P2RX3: variants seen among roughly 807,000 people sequenced by gnomAD.
P2RX3 encodes the protein purinergic receptor P2X 3.
P2RX3 carries 41 observed loss-of-function variants against 51.5 expected under a neutral mutation model. The observed-to-expected ratio is 0.80, with a 90% CI of 0.62 to 1.03. P2RX3 has a LOEUF of 1.03. P2RX3 is among the 50% of genes least tolerant of loss of function. The pLI, the probability that P2RX3 is intolerant of heterozygous loss-of-function variation, is 0.00. For synonymous variants in P2RX3, 185 were observed against 191.6 expected, an observed-to-expected ratio of 0.97 and a Z score of 0.29; for missense variants, 459 against 522.1, an observed-to-expected ratio of 0.88 and a Z score of 1.18.
intron 7 of P2RX3, chr11:57,350,551 G>A: frequency 3.5e-6 from 2 of 577,092 alleles, no homozygotes; most frequent in Non-Finnish European, 5.9e-6. Flanking sequence ...CAAAGTGCTG[G>A]GATTACAGGC....
chr11:57,357,266 G>A (rs192064033), intron 8 of P2RX3, among the ~76,000 whole-genome samples: 1 of 152,316 alleles, frequency 6.6e-6, no homozygotes, highest in East Asian at 1.9e-4. Context: ...GTTGTAGTGA[G>A]CTGAGATCTC....
chr11:57,347,187 G>T lies in P2RX3; in HGVS notation c.327G>T (p.Glu109Asp). The change falls in exon 3 of 12, where the codon GAG (glutamate) becomes GAT (aspartate). Residue 109 changes from glutamate to aspartate, a missense_variant and splice_region_variant. Physicochemically the swap from Glu to Asp is conservative, Grantham distance 45. Coordinates refer to ENST00000263314, the MANE Select transcript of P2RX3 (RefSeq NM_002559.5). ...ATCAGATGCAAGGATTCTGCCCAGAGGTGAGGGGAGGACAGAGGTTGGGTG... is the reference window on the plus strand; with the variant it reads ...ATCAGATGCAAGGATTCTGCCCAGATGTGAGGGGAGGACAGAGGTTGGGTG... ...TENQMQGFCP[E>D]SEEKYRCVSD... is the part of the protein sequence containing the mutation. 1 of 1,613,092 alleles carries T rather than the reference G, an allele frequency of 6.2e-7. No homozygotes were observed. Among genetic ancestry groups the T allele is most frequent in the Non-Finnish European group, 8.5e-7 (1 of 1,179,510 alleles).
At chr11:57,368,687 TTA>T (rs1194176643) in intron 10 of P2RX3, among the ~76,000 whole-genome samples, 5 of 152,202 alleles carry the variant, frequency 3.3e-5, no homozygotes, top group African/African-American at 9.7e-5. Flanking sequence ...ACTCCACCTG[TTA>T]TAGAGTTCCC....
intron 10 of P2RX3, 99 bp downstream of exon 10, chr11:57,368,536 C>A: frequency 2.2e-6 from 3 of 1,352,184 alleles, no homozygotes; most frequent in Non-Finnish European, 2.1e-6. Context: ...TCTGCCTCTG[C>A]CTGGAATGTA....
intron 6 of P2RX3, among the ~76,000 whole-genome samples, 155 bp downstream of exon 6, chr11:57,348,859 G>A (rs542471766): frequency 2.0e-5 from 3 of 152,134 alleles, no homozygotes; most frequent in Non-Finnish European, 4.4e-5. Context: ...ATCTCCCAGC[G>A]GGCCTTGGCC....
At chr11:57,344,370 T>C (rs997885328) in intron 1 of P2RX3, among the ~76,000 whole-genome samples, 6 of 152,214 alleles carry the variant, frequency 3.9e-5, no homozygotes, top group South Asian at 2.1e-4. Context: ...AACACCCACA[T>C]TGTGCCCCAT....
At chr11:57,349,934 C>T in intron 7 of P2RX3, 36 bp downstream of exon 7, 1 of 1,612,372 alleles carries the variant, frequency 6.2e-7, no homozygotes, top group South Asian at 1.1e-5. Flanking sequence ...ACCCCAAACT[C>T]CCCACCTTCA....
In P2RX3 at chr11:57,372,286, C is replaced by CT. The variant is rs1228134491; in HGVS notation, c.*2291dup. The stretch of plus-strand genomic sequence containing the variant: ...TCAACATAAAAGCCAACACTGATTA[C>CT]TTACTATTGGCAGGCAATGGACCAA... On this transcript the variant is annotated 3_prime_UTR_variant, in exon 12 of 12. Transcript: ENST00000263314. Among the ~76,000 whole-genome samples, 2 of 152,186 alleles carry CT rather than the reference C, an allele frequency of 1.3e-5. No homozygotes were observed. Among genetic ancestry groups the CT allele is most frequent in the Non-Finnish European group, 2.9e-5 (2 of 68,038 alleles).
At chr11:57,365,028 C>T (rs1341313328) in intron 8 of P2RX3, among the ~76,000 whole-genome samples, 2 of 152,166 alleles carry the variant, frequency 1.3e-5, no homozygotes, top group African/African-American at 4.8e-5. Flanking sequence ...CAGCCTTACT[C>T]GAGCAACAGG....
chr11:57,358,632 A>G (rs1856666881), intron 8 of P2RX3, among the ~76,000 whole-genome samples: 1 of 152,076 alleles, frequency 6.6e-6, no homozygotes, highest in South Asian at 2.1e-4. Flanking sequence ...CTGGTTAAAG[A>G]TGATGATCTT....
At chr11:57,350,527 CCG>C in intron 7 of P2RX3, 1 of 466,692 alleles carries the variant, frequency 2.1e-6, no homozygotes, top group Non-Finnish European at 3.8e-6. Context: ...CGTGATCCGC[CCG>C]CCTCGGCCTC....
At chr11:57,367,162 G>A (rs909722080) in intron 8 of P2RX3, among the ~76,000 whole-genome samples, 1 of 152,208 alleles carries the variant, frequency 6.6e-6, no homozygotes, top group Non-Finnish European at 1.5e-5. Flanking sequence ...GACGTGTGTG[G>A]TTTCACTCAA....
intron 1 of P2RX3, among the ~76,000 whole-genome samples, chr11:57,343,274 G>A (rs536074524): frequency 1.4e-4 from 21 of 152,356 alleles, no homozygotes; most frequent in Non-Finnish European, 2.2e-4. Flanking sequence ...GGAGGTAGGA[G>A]ATTGGTTGAT....
At chr11:57,361,835 G>T (rs55741081) in intron 8 of P2RX3, among the ~76,000 whole-genome samples, 54,655 of 152,050 alleles carry the variant, frequency 0.36, 11,739 homozygotes, top group East Asian at 0.65. Context: ...AAATGGTATT[G>T]CCGGTTTCAG....
Position 57,340,952 on chromosome 11 carries a change from G to A in P2RX3, c.119+2283G>A, listed in dbSNP as rs554915405. On this transcript the variant is annotated intron_variant, in intron 1 of 11. Coordinates refer to ENST00000263314, the MANE Select transcript of P2RX3 (RefSeq NM_002559.5). ...GGTCATTGTGGCTGGAGCCGAGGGA[G>A]CAGAGATGAGTGAGGGTGGTGTACG... 3.3e-5 allele frequency among the ~76,000 whole-genome samples: 5 copies of A among 152,354 alleles called. No individual in the cohort carries two copies. The South Asian group carries it at 1.0e-3, about 32-fold the overall frequency.
chr11:57,338,457 A>C lies in P2RX3; in HGVS notation c.-94A>C. 1 of 745,774 alleles carries C rather than the reference A, an allele frequency of 1.3e-6. No homozygotes were observed. The highest frequency in any genetic ancestry group is 2.3e-6 in the Non-Finnish European group (1 of 441,012). The allele number at this position is 745,774 out of a possible 1,614,324, so 46.2% of individuals were successfully genotyped here. A position where few individuals can be genotyped will look rare whatever the true frequency, so the allele number is the denominator to read the frequency against. ...CCAACCCCTCTAAGCTGCCCCCTCC[A>C]GGTCGTGATCTCGTCTCCCTGTCCT... On this transcript the variant is annotated 5_prime_UTR_variant, in exon 1 of 12. Transcript: ENST00000263314.
intron 10 of P2RX3, among the ~76,000 whole-genome samples, chr11:57,368,644 T>C (rs1856834036): frequency 2.0e-5 from 3 of 152,188 alleles, no homozygotes; most frequent in Non-Finnish European, 4.4e-5. Flanking sequence ...GAGAGCTCAT[T>C]ACCTCCGGAA....
chr11:57,344,607 G>C (rs369146043), intron 1 of P2RX3, among the ~76,000 whole-genome samples: 1 of 152,176 alleles, frequency 6.6e-6, no homozygotes, highest in African/African-American at 2.4e-5. Context: ...GCTGAGGCAC[G>C]AGAATCACTT....
chr11:57,348,775 G>T (rs1856490266), intron 6 of P2RX3, 71 bp downstream of exon 6: 1 of 1,108,170 alleles, frequency 9.0e-7, no homozygotes, highest in Admixed American at 1.8e-5. Flanking sequence ...TTTCAGGGAA[G>T]TGGAGATGCC....
Sources: gnomAD v4.1 joint callset for allele counts (sites outside exome capture counted in the v4.1 genomes callset) on GRCh38, gnomAD v4.1.1 for gene constraint, MANE v1.5 for transcripts, NCBI Gene and HGNC (gene_info 2026-07-23, HGNC 2026-07-21) for gene names.